Variants in TENM2 observed in about 807,000 individuals in gnomAD.
The protein encoded by TENM2 is teneurin-2.
In TENM2, 52 loss-of-function variants were observed where a neutral mutation model predicts 245.2. That is an observed-to-expected ratio of 0.21 (90% CI 0.17 to 0.27). The LOEUF is 0.27. Ranked by LOEUF, TENM2 falls within the 10% of genes least tolerant of loss-of-function variation. TENM2 has a pLI of 1.00. For missense variants in TENM2, 3,046 were observed against 3,666.8 expected (o/e 0.83, Z 4.37); for synonymous variants, 1,363 against 1,438.9 (o/e 0.95, Z 1.19).
chr5:167,682,146 G>A (rs574851529), intron 2 of TENM2, among the ~76,000 whole-genome samples: 11 of 103,690 alleles, frequency 1.1e-4, no homozygotes, highest in African/African-American at 2.5e-4. Flanking sequence ...GCCTGCCTGC[G>A]TTCCTTCCTT....
At chr5:167,152,710 G>T in the TENM2 span, among the ~76,000 whole-genome samples, 1 of 152,138 alleles carries the variant, frequency 6.6e-6, no homozygotes, top group Admixed American at 6.5e-5. Flanking sequence ...AATGGAGGCA[G>T]CTCCTAAGTG....
At chr5:167,368,327 G>A (rs1235163113) in intron 1 of TENM2, among the ~76,000 whole-genome samples, 2 of 151,806 alleles carry the variant, frequency 1.3e-5, no homozygotes, top group Admixed American at 1.3e-4. Context: ...GTTTGGGGGT[G>A]GGGCATATAT....
intron 2 of TENM2, among the ~76,000 whole-genome samples, chr5:167,445,363 A>T (rs796464549): frequency 5.9e-4 from 82 of 139,738 alleles, no homozygotes; most frequent in Non-Finnish European, 8.7e-4. Flanking sequence ...AGAGAGAGAG[A>T]GAGAGAGTGT....
chr5:167,256,405 G>T, the TENM2 span, among the ~76,000 whole-genome samples: 2 of 152,144 alleles, frequency 1.3e-5, no homozygotes, highest in Admixed American at 1.3e-4. Flanking sequence ...AGGGGCAAAA[G>T]CTAGAAATGA....
intron 2 of TENM2, among the ~76,000 whole-genome samples, chr5:167,716,907 TTTTA>T (rs1342244375): frequency 4.4e-4 from 46 of 105,026 alleles, no homozygotes; most frequent in Admixed American, 3.7e-3. Context: ...TTTTATTTTA[TTTTA>T]TTTTATTTTA....
chr5:167,113,402 A>T, the TENM2 span, among the ~76,000 whole-genome samples: 1 of 152,132 alleles, frequency 6.6e-6, no homozygotes, highest in African/African-American at 2.4e-5. Context: ...GCACTTTGGG[A>T]GGCTGAGGAA....
intron 12 of TENM2, among the ~76,000 whole-genome samples, chr5:168,158,947 A>G (rs1757499485): frequency 6.8e-6 from 1 of 146,922 alleles, no homozygotes; most frequent in East Asian, 2.0e-4. Context: ...ACGTATATAC[A>G]TATATATATG....
the TENM2 span, among the ~76,000 whole-genome samples, chr5:167,138,871 C>T: frequency 0.044 from 6,636 of 152,288 alleles, 210 homozygotes; most frequent in Non-Finnish European, 0.065. Flanking sequence ...GATCCACCCA[C>T]CTCAGCCTCT....
the TENM2 span, among the ~76,000 whole-genome samples, chr5:167,169,034 T>C: frequency 2.6e-5 from 4 of 152,202 alleles, no homozygotes; most frequent in Non-Finnish European, 5.9e-5. Context: ...GCTGGGATTA[T>C]AGGCGTGAGC....
the TENM2 span, among the ~76,000 whole-genome samples, chr5:167,108,226 A>G: frequency 1.3e-5 from 2 of 152,120 alleles, no homozygotes; most frequent in South Asian, 4.1e-4. Context: ...CCCAGGTTCA[A>G]GTGATTCTCA....
chr5:168,060,036 G>A lies in TENM2; in HGVS notation c.1310-2024G>A, dbSNP rs147117069. On this transcript the variant is annotated intron_variant, in intron 6 of 28. Transcript: ENST00000518659. ...CAGGGTCTCTGCTCTTAAACATGAT[G>A]CCGTATTCCTCCCCCTGCAGGTAAG... Among the ~76,000 whole-genome samples the A allele has an allele frequency of 1.8e-3, 279 of 152,218 alleles. 1 individual carries two copies. The highest frequency in any genetic ancestry group is 3.0e-3 in the Non-Finnish European group (201 of 68,016).
Position 167,422,039 on chromosome 5 carries a change from C to G in TENM2, c.502+46566C>G, listed in dbSNP as rs1435672099. On this transcript the variant is annotated intron_variant, in intron 2 of 28. Coordinates refer to ENST00000518659, the Ensembl canonical transcript of TENM2. ...ACTCCTGACCTTGTGATCCACCTGCCTCAACCTCTCAAAGTGCTGGGATTA... is the reference window on the plus strand; with the variant it reads ...ACTCCTGACCTTGTGATCCACCTGCGTCAACCTCTCAAAGTGCTGGGATTA... Among the ~76,000 whole-genome samples, 3 of 152,110 alleles carry G rather than the reference C, an allele frequency of 2.0e-5. No individual in the cohort carries two copies. The South Asian group carries it at 6.2e-4, about 32-fold the overall frequency.
rs557391459 is a variant in TENM2 at position 168,231,887 on chromosome 5, G to A, written c.5520+3757G>A. On this transcript the variant is annotated intron_variant, in intron 25 of 28. Coordinates refer to ENST00000518659, the Ensembl canonical transcript of TENM2. ...AAGGCAGGAGGATCCCTTGAGCCCA[G>A]GAGTTGGAGACCAGCCTGGGCAACA... is the stretch of plus-strand genomic sequence containing the variant. 2.6e-5 allele frequency among the ~76,000 whole-genome samples: 4 copies of A among 152,290 alleles called. No individual in the cohort carries two copies. In the South Asian group the frequency reaches 8.3e-4, roughly 32 times the overall value.
At position 167,524,289 on chromosome 5, in the gene TENM2, G is replaced by GA. The variant is rs139767406; in HGVS notation, c.502+148821dup. The stretch of plus-strand genomic sequence containing the variant: ...TTCATAAACACCAATTTTCTCATCT[G>GA]AAAAATAGGGATAATAACAATACCT... On this transcript the variant is annotated intron_variant, in intron 2 of 28. Coordinates refer to ENST00000518659, the Ensembl canonical transcript of TENM2. Among the ~76,000 whole-genome samples the GA allele has an allele frequency of 2.4e-3, 372 of 152,228 alleles. 4 individuals carry two copies. The highest frequency in any genetic ancestry group is 8.5e-3 in the African/African-American group (353 of 41,532).
intron 2 of TENM2, among the ~76,000 whole-genome samples, chr5:167,797,772 G>A (rs2150929784): frequency 6.6e-6 from 1 of 152,308 alleles, no homozygotes; most frequent in Non-Finnish European, 1.5e-5. Context: ...AGGAAATGAA[G>A]AGGGATGCTA....
intron 3 of TENM2, among the ~76,000 whole-genome samples, chr5:167,911,017 CA>C (rs1776503097): frequency 6.6e-6 from 1 of 151,974 alleles, no homozygotes; most frequent in African/African-American, 2.4e-5. Context: ...ATTAAGAGCT[CA>C]AAAAACGTAA....
intron 2 of TENM2, among the ~76,000 whole-genome samples, chr5:167,397,953 T>C (rs894749962): frequency 5.9e-5 from 9 of 152,148 alleles, no homozygotes; most frequent in Non-Finnish European, 1.0e-4. Context: ...CAACTTCCAA[T>C]GTATTTTTAT....
intron 6 of TENM2, among the ~76,000 whole-genome samples, chr5:168,048,759 A>G (rs1216970512): frequency 2.6e-5 from 4 of 152,182 alleles, no homozygotes; most frequent in Non-Finnish European, 5.9e-5. Flanking sequence ...GAGCTGTCCT[A>G]ATGCTTTGAG....
chr5:167,098,258 A>G, the TENM2 span, among the ~76,000 whole-genome samples: 15 of 152,376 alleles, frequency 9.8e-5, no homozygotes, highest in South Asian at 3.1e-3. Context: ...AGTGTACATC[A>G]CATGAATGAC....
Sources: allele counts gnomAD v4.1 joint callset (sites outside exome capture counted in the v4.1 genomes callset), GRCh38; gene constraint gnomAD v4.1.1; transcripts MANE v1.5; gene names NCBI Gene and HGNC (gene_info 2026-07-23, HGNC 2026-07-21).